Variants in PNLIPRP1 observed in about 807,000 individuals in gnomAD.
PNLIPRP1 encodes the protein pancreatic lipase related protein 1.
A neutral mutation model predicts 54.6 loss-of-function variants in PNLIPRP1; 57 were observed. The ratio of observed to expected loss-of-function variants is 1.04; its 90% CI spans 0.84 to 1.30. PNLIPRP1 has a LOEUF of 1.30. PNLIPRP1 is among the 50% of genes most tolerant of loss of function. PNLIPRP1 has a pLI of 0.00. For synonymous variants in PNLIPRP1, 232 were observed against 208.8 expected, an observed-to-expected ratio of 1.11 and a Z score of -0.96; for missense variants, 567 against 568.5, an observed-to-expected ratio of 1.00 and a Z score of 0.03.
chr10:116,591,734 G>C, intron 2 of PNLIPRP1, 37 bp from the exon 3 acceptor site: 2 of 1,610,642 alleles, frequency 1.2e-6, no homozygotes, highest in Non-Finnish European at 1.7e-6. Context: ...CACACCTTGA[G>C]AGCAAATCCT....
chr10:116,600,484 G>T (rs1028847673), intron 9 of PNLIPRP1: 25 of 246,696 alleles, frequency 1.0e-4, no homozygotes, highest in Middle Eastern at 1.5e-3. Context: ...GAAAACACAG[G>T]AATGCACATT....
chr10:116,592,700 G>A (rs782038892), intron 4 of PNLIPRP1, 159 bp downstream of exon 4: 44 of 874,212 alleles, frequency 5.0e-5, no homozygotes, highest in Admixed American at 2.8e-4. Flanking sequence ...CCATGTTTCC[G>A]CACTACATCT....
At chr10:116,603,889 T>A (rs1461584232) in intron 10 of PNLIPRP1, 141 bp from the exon 11 acceptor site, 1 of 494,120 alleles carries the variant, frequency 2.0e-6, no homozygotes, top group Admixed American at 3.5e-5. Flanking sequence ...TGAGACCCCA[T>A]CTCAAAAAAT....
At chr10:116,606,228 C>T (rs374105421) in intron 12 of PNLIPRP1, among the ~76,000 whole-genome samples, 1 of 152,086 alleles carries the variant, frequency 6.6e-6, no homozygotes, top group Non-Finnish European at 1.5e-5. Flanking sequence ...GTGGAGTCAC[C>T]GAGTTCAGGT....
intron 6 of PNLIPRP1, among the ~76,000 whole-genome samples, chr10:116,596,684 A>G (rs1320948742): frequency 2.0e-5 from 3 of 152,084 alleles, no homozygotes; most frequent in Non-Finnish European, 4.4e-5. Context: ...TATATTGCCA[A>G]TTCTTTCTCC....
intron 5 of PNLIPRP1, chr10:116,595,684 G>C (rs1847722135): frequency 6.5e-6 from 1 of 153,308 alleles, no homozygotes; most frequent in African/African-American, 2.4e-5. Context: ...AGGAGTATGT[G>C]AGGAAGTAAA....
chr10:116,608,001 A>G (rs1419973843), intron 12 of PNLIPRP1, among the ~76,000 whole-genome samples: 8 of 152,146 alleles, frequency 5.3e-5, no homozygotes, highest in African/African-American at 1.9e-4. Context: ...GATTACAGGC[A>G]TGCACCACCA....
rs781968470 is a variant in PNLIPRP1, at chr10:116,605,386, G to C, written c.1173G>C (p.Arg391Ser). Residue 391 changes from arginine to serine, a missense_variant and splice_region_variant, in exon 12 of 13, where the codon AGG (arginine) becomes AGC (serine). By Grantham distance (110) the Arg-to-Ser change is moderately radical (BLOSUM62 -1). Transcript: ENST00000358834. Reference protein sequence around the residue: ...KGNTHQYSIFRGILKPGSTHS... With the variant: ...KGNTHQYSIFSGILKPGSTHS... ...GATGTTTATGTTTCTCTATTTCAAG[G>C]GGGATTCTCAAACCAGGCTCAACCC... is the stretch of plus-strand genomic sequence containing the variant. 2 of 1,565,548 alleles carry C rather than the reference G, an allele frequency of 1.3e-6. No homozygotes were observed. Among genetic ancestry groups the C allele is most frequent in the Non-Finnish European group, 1.7e-6 (2 of 1,146,294 alleles).
intron 4 of PNLIPRP1, 151 bp downstream of exon 4, chr10:116,592,692 A>G (rs1439481292): frequency 3.2e-6 from 3 of 924,122 alleles, no homozygotes; most frequent in Admixed American, 2.0e-5. Flanking sequence ...ATGCCTTTCC[A>G]TGTTTCCGCA....
chr10:116,591,512 T>G (rs1847635515), intron 2 of PNLIPRP1, among the ~76,000 whole-genome samples: 2 of 152,222 alleles, frequency 1.3e-5, no homozygotes, highest in Admixed American at 1.3e-4. Context: ...GGAATGGGAC[T>G]TAGAACTTTC....
At chr10:116,592,610 TA>T in intron 4 of PNLIPRP1, 69 bp downstream of exon 4, 1 of 1,572,710 alleles carries the variant, frequency 6.4e-7, no homozygotes, top group Non-Finnish European at 8.7e-7. Context: ...TGCATCACTT[TA>T]TGCACTCAAG....
rs142314301 is a variant in PNLIPRP1 at position 116,599,978 on chromosome 10, G to C, written c.815-69G>C. 1.0e-3 allele frequency: 992 copies of C among 945,594 alleles called. 7 individuals carry two copies. The African/African-American group carries it at 0.014, about 14-fold the overall frequency. The allele number at this position is 945,594 out of a possible 1,614,324, so 58.6% of individuals were successfully genotyped here. A position where few individuals can be genotyped will look rare whatever the true frequency, so the allele number is the denominator to read the frequency against. ...TCCTACTTTGGAACCATCCCATTTG[G>C]AGAGAGAGGCAGAGAAGCTGTTACA... On this transcript the variant is annotated intron_variant, in intron 8 of 12. Coordinates refer to ENST00000358834, the MANE Select transcript of PNLIPRP1 (RefSeq NM_006229.4).
chr10:116,597,128 C>T (rs911022163), intron 6 of PNLIPRP1, among the ~76,000 whole-genome samples: 21 of 152,170 alleles, frequency 1.4e-4, no homozygotes, highest in African/African-American at 3.1e-4. Context: ...ACTACATTCA[C>T]GTTCCTATTT....
At chr10:116,605,801 T>G (rs1287926465) in intron 12 of PNLIPRP1, among the ~76,000 whole-genome samples, 1 of 151,980 alleles carries the variant, frequency 6.6e-6, no homozygotes, top group Non-Finnish European at 1.5e-5. Flanking sequence ...CAAGGTAAAA[T>G]GAGAAAATAC....
chr10:116,607,875 G>A (rs1847962064), intron 12 of PNLIPRP1, among the ~76,000 whole-genome samples: 1 of 152,204 alleles, frequency 6.6e-6, no homozygotes, highest in Admixed American at 6.5e-5. Flanking sequence ...GAATGACTGA[G>A]ATGGAATCTC....
intron 2 of PNLIPRP1, 116 bp from the exon 3 acceptor site, chr10:116,591,655 C>A: frequency 9.6e-7 from 1 of 1,038,672 alleles, no homozygotes; most frequent in Non-Finnish European, 1.4e-6. Context: ...GCAGTAGGTT[C>A]ATCCATTGTC....
intron 10 of PNLIPRP1, among the ~76,000 whole-genome samples, chr10:116,602,899 TTGTG>T (rs375770577): frequency 0.011 from 1,720 of 152,044 alleles, 20 homozygotes; most frequent in African/African-American, 0.035. Flanking sequence ...GTGTGTAGGT[TTGTG>T]TGTGTGTGCA....
At chr10:116,592,385 A>G in intron 3 of PNLIPRP1, 31 bp from the exon 4 acceptor site, 1 of 1,563,908 alleles carries the variant, frequency 6.4e-7, no homozygotes, top group Non-Finnish European at 8.7e-7. Context: ...CTGGGCTGCG[A>G]AAACATGAAG....
intron 7 of PNLIPRP1, 31 bp downstream of exon 7, chr10:116,597,978 C>T (rs2915764): frequency 0.99 from 1,597,609 of 1,614,154 alleles, 791,929 homozygotes; most frequent in East Asian, 1. Context: ...GCTGTGAGCA[C>T]GCACAACTGT....
Sources: allele counts gnomAD v4.1 joint callset (sites outside exome capture counted in the v4.1 genomes callset), GRCh38; gene constraint gnomAD v4.1.1; transcripts MANE v1.5; gene names NCBI Gene and HGNC (gene_info 2026-07-23, HGNC 2026-07-21).